The following PCSK2 variants were observed in gnomAD, a reference collection of about 807,000 sequenced individuals.
PCSK2 encodes the protein neuroendocrine convertase 2.
In PCSK2, 14 loss-of-function variants were observed where a neutral mutation model predicts 69.7. The observed-to-expected ratio is 0.20, with a 90% CI of 0.13 to 0.31. The LOEUF is 0.31. Ranked by LOEUF, PCSK2 falls within the 10% of genes least tolerant of loss-of-function variation. PCSK2 has a pLI of 1.00. For missense variants in PCSK2, 544 were observed against 842.5 expected (o/e 0.65, Z 4.39); for synonymous variants, 307 against 320.7 (o/e 0.96, Z 0.46).
chr20:17,341,708 A>G (rs1990514463), intron 2 of PCSK2, among the ~76,000 whole-genome samples: 1 of 152,240 alleles, frequency 6.6e-6, no homozygotes. Context: ...GCACTAGGCA[A>G]GGAGTTAGTA....
intron 2 of PCSK2, among the ~76,000 whole-genome samples, chr20:17,325,062 C>A (rs1480383774): frequency 6.6e-6 from 1 of 152,168 alleles, no homozygotes; most frequent in Non-Finnish European, 1.5e-5. Flanking sequence ...TGGAAGATTT[C>A]CTGAGACCAC....
At chr20:17,405,718 T>G (rs2031736379) in intron 5 of PCSK2, among the ~76,000 whole-genome samples, 1 of 152,252 alleles carries the variant, frequency 6.6e-6, no homozygotes, top group Non-Finnish European at 1.5e-5. Context: ...TCTTTCTTCC[T>G]AATTATGCAT....
intron 6 of PCSK2, among the ~76,000 whole-genome samples, chr20:17,422,216 A>G (rs183612035): frequency 6.6e-6 from 1 of 152,332 alleles, no homozygotes; most frequent in African/African-American, 2.4e-5. Flanking sequence ...CAGCCTGTTT[A>G]TCAAAAACCT....
intron 2 of PCSK2, among the ~76,000 whole-genome samples, chr20:17,305,127 AAGC>A (rs1399881081): frequency 6.6e-6 from 1 of 152,166 alleles, no homozygotes; most frequent in Non-Finnish European, 1.5e-5. Flanking sequence ...AATTATGACA[AAGC>A]AGCATTTTCC....
At chr20:17,444,858 T>C (rs1263146657) in intron 8 of PCSK2, among the ~76,000 whole-genome samples, 6 of 152,172 alleles carry the variant, frequency 3.9e-5, no homozygotes, top group Non-Finnish European at 7.4e-5. Flanking sequence ...ATAAAACCCA[T>C]TGATGAGGTT....
At chr20:17,457,396 G>A (rs990089024) in intron 10 of PCSK2, among the ~76,000 whole-genome samples, 2 of 152,174 alleles carry the variant, frequency 1.3e-5, no homozygotes, top group East Asian at 1.9e-4. Flanking sequence ...GCAGGAGTTG[G>A]TTCCTAGAAT....
At chr20:17,275,522 T>C (rs1988034370) in intron 2 of PCSK2, among the ~76,000 whole-genome samples, 1 of 152,176 alleles carries the variant, frequency 6.6e-6, no homozygotes, top group Admixed American at 6.6e-5. Flanking sequence ...TGTGGACTTT[T>C]ACTATTGTTC....
intron 8 of PCSK2, among the ~76,000 whole-genome samples, chr20:17,443,695 G>A (rs1261018742): frequency 6.6e-6 from 1 of 152,092 alleles, no homozygotes. Flanking sequence ...CATTTTCCAC[G>A]GACTTCTGCA....
intron 2 of PCSK2, among the ~76,000 whole-genome samples, chr20:17,354,622 C>G (rs2030132134): frequency 6.6e-6 from 1 of 152,050 alleles, no homozygotes; most frequent in African/African-American, 2.4e-5. Flanking sequence ...ATCTAAATGA[C>G]TAATAAGAGG....
At chr20:17,431,110 T>A (rs944398047) in intron 7 of PCSK2, among the ~76,000 whole-genome samples, 2 of 151,840 alleles carry the variant, frequency 1.3e-5, no homozygotes, top group African/African-American at 2.4e-5. Context: ...ATGTGGGAGG[T>A]GGTCCCCGGA....
At chr20:17,347,872 A>AGG (rs2051026891) in intron 2 of PCSK2, among the ~76,000 whole-genome samples, 1 of 88,818 alleles carries the variant, frequency 1.1e-5, no homozygotes, top group Admixed American at 1.3e-4. Context: ...GGAGAGAGAA[A>AGG]AAAGAAAGAA....
chr20:17,270,675 T>C (rs1345828330), intron 2 of PCSK2, among the ~76,000 whole-genome samples: 1 of 152,116 alleles, frequency 6.6e-6, no homozygotes, highest in African/African-American at 2.4e-5. Context: ...AAAGAATAGT[T>C]TAATGGATGT....
At chr20:17,457,639 A>G (rs1482176095) in intron 10 of PCSK2, among the ~76,000 whole-genome samples, 1 of 152,182 alleles carries the variant, frequency 6.6e-6, no homozygotes, top group Non-Finnish European at 1.5e-5. Context: ...ACAGAAAACA[A>G]AATTTACTCA....
At chr20:17,414,523 T>C (rs2031952906) in intron 6 of PCSK2, among the ~76,000 whole-genome samples, 1 of 152,192 alleles carries the variant, frequency 6.6e-6, no homozygotes, top group Non-Finnish European at 1.5e-5. Context: ...TAACAGGCTC[T>C]GAAATTGAGG....
At chr20:17,342,925 G>C (rs1990548923) in intron 2 of PCSK2, among the ~76,000 whole-genome samples, 1 of 151,982 alleles carries the variant, frequency 6.6e-6, no homozygotes, top group Non-Finnish European at 1.5e-5. Flanking sequence ...CAAGGTGCTG[G>C]GACTACAGGC....
chr20:17,303,486 AT>A (rs1989194644), intron 2 of PCSK2, among the ~76,000 whole-genome samples: 1 of 54,844 alleles, frequency 1.8e-5, no homozygotes, highest in Non-Finnish European at 3.6e-5. Flanking sequence ...TATAATATAT[AT>A]TATATTTAAT....
At chr20:17,320,915 G>A (rs1273237496) in intron 2 of PCSK2, among the ~76,000 whole-genome samples, 1 of 152,198 alleles carries the variant, frequency 6.6e-6, no homozygotes, top group African/African-American at 2.4e-5. Flanking sequence ...TAGCTTAAAT[G>A]TATAATGGTT....
intron 2 of PCSK2, among the ~76,000 whole-genome samples, chr20:17,272,287 A>G (rs1403919459): frequency 6.6e-6 from 1 of 152,068 alleles, no homozygotes; most frequent in African/African-American, 2.4e-5. Flanking sequence ...CACTTCCCGT[A>G]TCTCCCACAT....
At chr20:17,471,590 C>T (rs945290051) in intron 11 of PCSK2, among the ~76,000 whole-genome samples, 1 of 152,218 alleles carries the variant, frequency 6.6e-6, no homozygotes, top group Admixed American at 6.5e-5. Flanking sequence ...GCAATAGGAC[C>T]GGCGGGCCAG....
Sources: allele counts gnomAD v4.1 joint callset (sites outside exome capture counted in the v4.1 genomes callset), GRCh38; gene constraint gnomAD v4.1.1; transcripts MANE v1.5; gene names NCBI Gene and HGNC (gene_info 2026-07-23, HGNC 2026-07-21).